The following AHCTF1 variants were observed in gnomAD, a reference collection of about 807,000 sequenced individuals.
AHCTF1 encodes protein ELYS.
In AHCTF1, 24 loss-of-function variants were observed where a neutral mutation model predicts 248.4. The ratio of observed to expected loss-of-function variants is 0.10; its 90% CI spans 0.07 to 0.14. AHCTF1 has a LOEUF of 0.14. AHCTF1 is among the 10% of genes least tolerant of loss of function. AHCTF1 has a pLI of 1.00. For missense variants in AHCTF1, 2,206 were observed against 2,636.2 expected (o/e 0.84, Z 3.57); for synonymous variants, 786 against 929.8 (o/e 0.85, Z 2.81).
In AHCTF1 at chr1:246,920,719, G is replaced by A. The variant is rs978931388; in HGVS notation, c.-7-2342C>T. Among the ~76,000 whole-genome samples the A allele has an allele frequency of 1.5e-4, 23 of 148,986 alleles. 1 individual carries two copies. In the South Asian group the frequency reaches 3.9e-3, roughly 25 times the overall value. On this transcript the variant is annotated intron_variant, in intron 1 of 35. Coordinates refer to ENST00000648844, the MANE Select transcript of AHCTF1 (RefSeq NM_001323342.2). The stretch of plus-strand genomic sequence containing the variant: ...TGGGAGGCGGAGCTTGCAGTGAGCC[G>A]AGATCGCACCACTGCACTCCAGCCT...
intron 4 of AHCTF1, 117 bp downstream of exon 4, chr1:246,913,115 T>A: frequency 6.3e-6 from 5 of 793,470 alleles, no homozygotes; most frequent in Admixed American, 3.5e-5. Flanking sequence ...TTTTTATAGA[T>A]AGGAAGATAT....
At chr1:246,909,218 T>C (rs1045849883) in intron 4 of AHCTF1, among the ~76,000 whole-genome samples, 1 of 144,220 alleles carries the variant, frequency 6.9e-6, no homozygotes, top group African/African-American at 2.6e-5. Context: ...AAGACCAGCC[T>C]GACCAATATG....
intron 1 of AHCTF1, among the ~76,000 whole-genome samples, chr1:246,921,873 T>G (rs1177148350): frequency 6.6e-6 from 1 of 152,154 alleles, no homozygotes; most frequent in African/African-American, 2.4e-5. Context: ...AGAGATCAGA[T>G]AGAAGGTCTG....
chr1:246,884,350 T>C (rs1412593675), intron 21 of AHCTF1, among the ~76,000 whole-genome samples: 1 of 152,226 alleles, frequency 6.6e-6, no homozygotes. Flanking sequence ...CTGAAATTTG[T>C]AGATCTTACC....
chr1:246,844,060 T>C (rs1660071484), intron 33 of AHCTF1, 132 bp from the exon 34 acceptor site: 2 of 567,222 alleles, frequency 3.5e-6, no homozygotes, highest in Non-Finnish European at 5.3e-6. Context: ...ACCATTAGTA[T>C]TGCAACCTAA....
chr1:246,926,669 A>G (rs1666937689), intron 1 of AHCTF1, among the ~76,000 whole-genome samples: 1 of 150,090 alleles, frequency 6.7e-6, no homozygotes, highest in African/African-American at 2.4e-5. Context: ...CAGCCTCACT[A>G]ACAGGGTGAA....
At position 246,931,100 on chromosome 1, in the gene AHCTF1, CCAACTTCTT is replaced by C. The variant is rs761875794; in HGVS notation, c.-8+469_-8+477del. Reference sequence around the variant, plus strand: ...GGAACCTCACGGCTGAGCCCCGAGTCCAACTTCTTCCCCGCCAGGACTACTCACTGTGGC... The same window carrying C: ...GGAACCTCACGGCTGAGCCCCGAGTCCCCCGCCAGGACTACTCACTGTGGC... On this transcript the variant is annotated intron_variant, in intron 1 of 35. Transcript: ENST00000648844. 135 of 1,547,690 alleles carry C rather than the reference CCAACTTCTT, an allele frequency of 8.7e-5. No homozygotes were observed. The African/African-American group carries it at 1.7e-3, about 19-fold the overall frequency.
At chr1:246,848,371 G>A (rs949526795) in intron 33 of AHCTF1, among the ~76,000 whole-genome samples, 1 of 148,260 alleles carries the variant, frequency 6.7e-6, no homozygotes, top group East Asian at 2.0e-4. Context: ...CCGCCACCAC[G>A]CCCGGATAAT....
intron 12 of AHCTF1, 34 bp from the exon 13 acceptor site, chr1:246,895,959 A>C: frequency 6.4e-7 from 1 of 1,566,688 alleles, no homozygotes; most frequent in Admixed American, 1.8e-5. Flanking sequence ...AAAGAAATGG[A>C]AAGAAAGAGG....
intron 5 of AHCTF1, among the ~76,000 whole-genome samples, chr1:246,906,731 T>C (rs564506827): frequency 3.9e-5 from 6 of 152,302 alleles, no homozygotes; most frequent in Admixed American, 6.5e-5. Context: ...AAGGGCCAAA[T>C]AGGCATCTAT....
At chr1:246,856,331 A>C (rs190222228) in intron 30 of AHCTF1, among the ~76,000 whole-genome samples, 17 of 152,350 alleles carry the variant, frequency 1.1e-4, no homozygotes, top group Admixed American at 9.8e-4. Flanking sequence ...TTAATATTCT[A>C]ATCTGACCTT....
chr1:246,917,699 C>T (rs900599260), intron 2 of AHCTF1, among the ~76,000 whole-genome samples: 47 of 152,186 alleles, frequency 3.1e-4, no homozygotes, highest in African/African-American at 1.1e-3. Context: ...GGGAAGATGG[C>T]TACGAAGCTT....
chr1:246,873,462 A>G (rs1053297349), intron 24 of AHCTF1, among the ~76,000 whole-genome samples: 1 of 152,116 alleles, frequency 6.6e-6, no homozygotes, highest in Non-Finnish European at 1.5e-5. Context: ...TAGCGAAGGG[A>G]AAGAATCCGT....
chr1:246,890,153 C>T (rs1191696297), intron 16 of AHCTF1, 94 bp from the exon 17 acceptor site: 2 of 900,756 alleles, frequency 2.2e-6, no homozygotes, highest in Non-Finnish European at 3.4e-6. Context: ...ATATTTACAG[C>T]AACCCCTGGT....
At chr1:246,878,030 G>A (rs1663102628) in intron 21 of AHCTF1, among the ~76,000 whole-genome samples, 1 of 151,572 alleles carries the variant, frequency 6.6e-6, no homozygotes, top group Non-Finnish European at 1.5e-5. Flanking sequence ...TATAGGTCTT[G>A]ACCCAATGAT....
intron 11 of AHCTF1, among the ~76,000 whole-genome samples, chr1:246,898,621 AACACACACACACACACACAC>A (rs74163703): frequency 6.8e-5 from 10 of 147,086 alleles, no homozygotes; most frequent in East Asian, 4.0e-4. Flanking sequence ...ATCTTGACAA[AACACACACACACACACACAC>A]ACACACACAC....
chr1:246,902,646 G>A lies in AHCTF1; in HGVS notation c.996C>T (p.Thr332=). 4 of 1,612,266 alleles carry A rather than the reference G, an allele frequency of 2.5e-6. No individual in the cohort carries two copies. Among genetic ancestry groups the A allele is most frequent in the Middle Eastern group, 1.7e-4 (1 of 5,796 alleles). Residue 332 remains threonine, a synonymous_variant, in exon 8 of 36, where the codon ACC becomes ACT. Transcript: ENST00000648844. ...EGLEYCEERY[T]LDLTGGMFPL... ...GGAACATGCCACCTGTCAGGTCCAG[G>A]GTGTATCTTTCTTCACAGTATTCTA...
intron 24 of AHCTF1, among the ~76,000 whole-genome samples, chr1:246,874,130 T>C (rs1031373256): frequency 2.0e-5 from 3 of 152,008 alleles, no homozygotes; most frequent in Non-Finnish European, 2.9e-5. Context: ...GACAACCCAC[T>C]AAATAAAACT....
Position 246,888,406 on chromosome 1 carries a change from A to C in AHCTF1, c.2256T>G (p.Pro752=). The part of the protein sequence containing the change: ...RDEGGTGKYP[P]ASLHAVLDMY... Reference sequence around the variant, plus strand: ...ACTGCAAACCTACATGCAGACTAGCAGGAGGATATTTTCCTGTGCCTCCTT... The same window carrying C: ...ACTGCAAACCTACATGCAGACTAGCCGGAGGATATTTTCCTGTGCCTCCTT... Residue 752 remains proline, a synonymous_variant, in exon 18 of 36, where the codon CCT becomes CCG. Coordinates refer to ENST00000648844, the MANE Select transcript of AHCTF1 (RefSeq NM_001323342.2). 1 of 1,612,824 alleles carries C rather than the reference A, an allele frequency of 6.2e-7. No homozygotes were observed. The highest frequency in any genetic ancestry group is 8.5e-7 in the Non-Finnish European group (1 of 1,179,980).
Sources: allele counts gnomAD v4.1 joint callset (sites outside exome capture counted in the v4.1 genomes callset), GRCh38; gene constraint gnomAD v4.1.1; transcripts MANE v1.5; gene names NCBI Gene and HGNC (gene_info 2026-07-23, HGNC 2026-07-21).